Variants in PSMB1 observed in about 807,000 individuals in gnomAD.
PSMB1 encodes proteasome subunit beta type-1.
A neutral mutation model predicts 25.4 loss-of-function variants in PSMB1; 7 were observed. The ratio of observed to expected loss-of-function variants is 0.28; its 90% CI spans 0.16 to 0.52. PSMB1 has a LOEUF of 0.52. Among genes scored for constraint, PSMB1 ranks in the 20% least tolerant of loss-of-function variants. The pLI, the probability that PSMB1 is intolerant of heterozygous loss-of-function variation, is 0.97. For synonymous variants in PSMB1, 119 were observed against 115.0 expected (o/e 1.03, Z -0.22); for missense variants, 284 against 302.2 (o/e 0.94, Z 0.45).
At chr6:170,545,821 G>A (rs1211178057) in intron 3 of PSMB1, among the ~76,000 whole-genome samples, 1 of 152,090 alleles carries the variant, frequency 6.6e-6, no homozygotes, top group Non-Finnish European at 1.5e-5. Flanking sequence ...TGAGGGAAGA[G>A]TATCTTCAGA....
At chr6:170,544,817 G>A (rs1288209571) in intron 3 of PSMB1, among the ~76,000 whole-genome samples, 1 of 152,054 alleles carries the variant, frequency 6.6e-6, no homozygotes, top group Non-Finnish European at 1.5e-5. Context: ...TTTTATAGAG[G>A]AATGCCTTTC....
intron 4 of PSMB1, among the ~76,000 whole-genome samples, chr6:170,538,550 T>C (rs1778721154): frequency 2.0e-5 from 3 of 152,202 alleles, no homozygotes; most frequent in African/African-American, 4.8e-5. Flanking sequence ...AATACAAAAA[T>C]TAGCTGAGCA....
chr6:170,543,439 G>T (rs1295769968), intron 4 of PSMB1, among the ~76,000 whole-genome samples, 162 bp downstream of exon 4: 1 of 152,124 alleles, frequency 6.6e-6, no homozygotes, highest in African/African-American at 2.4e-5. Flanking sequence ...GCCTTTGGAG[G>T]TCATACATTA....
At chr6:170,547,947 G>C (rs1266013132) in intron 2 of PSMB1, among the ~76,000 whole-genome samples, 1 of 149,354 alleles carries the variant, frequency 6.7e-6, no homozygotes, top group African/African-American at 2.5e-5. Context: ...TAAAAGATGA[G>C]TAAAAGCTAG....
intron 4 of PSMB1, among the ~76,000 whole-genome samples, chr6:170,539,187 T>C (rs1306090255): frequency 6.6e-6 from 1 of 152,186 alleles, no homozygotes; most frequent in East Asian, 1.9e-4. Context: ...AAAAGCACAA[T>C]CATTTCAATG....
chr6:170,537,023 G>T (rs1224693997), intron 5 of PSMB1, among the ~76,000 whole-genome samples: 2 of 152,206 alleles, frequency 1.3e-5, no homozygotes, highest in African/African-American at 4.8e-5. Context: ...ATGGGAGTAG[G>T]TAAGGACCCA....
At chr6:170,548,011 A>G (rs1554244199) in intron 2 of PSMB1, among the ~76,000 whole-genome samples, 1 of 151,914 alleles carries the variant, frequency 6.6e-6, no homozygotes, top group Admixed American at 6.5e-5. Flanking sequence ...AATATTTACT[A>G]CTTTCAAGTT....
chr6:170,552,530 G>C (rs906816069), intron 1 of PSMB1, among the ~76,000 whole-genome samples: 1 of 148,934 alleles, frequency 6.7e-6, no homozygotes, highest in African/African-American at 2.5e-5. Context: ...AAAAAAAAAA[G>C]CACTTATCTA....
At chr6:170,551,256 C>G (rs974460129) in intron 1 of PSMB1, among the ~76,000 whole-genome samples, 1 of 152,182 alleles carries the variant, frequency 6.6e-6, no homozygotes, top group Non-Finnish European at 1.5e-5. Flanking sequence ...AAATGTTTTA[C>G]TGAAGAAGCC....
intron 1 of PSMB1, among the ~76,000 whole-genome samples, chr6:170,551,881 CTT>C (rs1456606993): frequency 6.6e-6 from 1 of 152,138 alleles, no homozygotes. Flanking sequence ...ATGCATCTCT[CTT>C]GATTCTCACC....
rs879404120 is a variant in PSMB1, at chr6:170,549,955, A to ATGGGT, written c.114-843_114-842insACCCA. On this transcript the variant is annotated intron_variant, in intron 1 of 5. Transcript: ENST00000262193. ...CTGGAATTACATGAGACAGAGACCC[A>ATGGGT]CTCTTGCTACTTACTAGGTATGTGA... 2.9e-3 allele frequency: 437 copies of ATGGGT among 152,278 alleles called. 4 individuals carry two copies. The highest frequency in any genetic ancestry group is 6.8e-3 in the Middle Eastern group (2 of 294). 9.4% of individuals were successfully genotyped at this position (152,278 alleles called of 1,614,324 possible). A position where few individuals can be genotyped will look rare whatever the true frequency, so the allele number is the denominator to read the frequency against.
intron 5 of PSMB1, among the ~76,000 whole-genome samples, chr6:170,536,895 G>C (rs1054815352): frequency 6.6e-5 from 10 of 152,236 alleles, no homozygotes; most frequent in East Asian, 3.9e-4. Flanking sequence ...ACACAGAAAG[G>C]GGGGGTAAGA....
At position 170,549,036 on chromosome 6, in the gene PSMB1, T is replaced by C. The variant is rs965513227; in HGVS notation, c.191A>G (p.His64Arg). 3.7e-6 allele frequency: 6 copies of C among 1,613,048 alleles called. No individual in the cohort carries two copies. Among genetic ancestry groups the C allele is most frequent in the Non-Finnish European group, 5.1e-6 (6 of 1,179,126 alleles). ...DTRLSEGFSI[H>R]TRDSPKCYKL... ...GTAACATTTGGGGCTATCCCGCGTA[T>C]GAATTGAAAACCCTTCACTCAATCG... is the stretch of plus-strand genomic sequence containing the variant. Residue 64 changes from histidine to arginine, a missense_variant, in exon 2 of 6, where the codon CAT becomes CGT. His to Arg is a conservative substitution (Grantham distance 29). Coordinates refer to ENST00000262193, the MANE Select transcript of PSMB1 (RefSeq NM_002793.4).
rs576691033 is a variant in PSMB1 at position 170,542,237 on chromosome 6, G to A, written c.433+1364C>T. Among the ~76,000 whole-genome samples, 6 of 152,252 alleles carry A rather than the reference G, an allele frequency of 3.9e-5. No individual in the cohort carries two copies. In the South Asian group the frequency reaches 6.2e-4, roughly 16 times the overall value. Reference sequence around the variant, plus strand: ...GTTCCCCAAGGCTGTGTATGGGGGCGGATGTTAAGAGTCAGAGATAGCGCA... The same window carrying A: ...GTTCCCCAAGGCTGTGTATGGGGGCAGATGTTAAGAGTCAGAGATAGCGCA... On this transcript the variant is annotated intron_variant, in intron 4 of 5. Transcript: ENST00000262193.
intron 5 of PSMB1, chr6:170,536,161 G>A (rs1159046528): frequency 3.2e-6 from 1 of 316,680 alleles, no homozygotes; most frequent in Non-Finnish European, 6.3e-6. Flanking sequence ...TAAACACACT[G>A]AGAAGTTTTT....
intron 4 of PSMB1, among the ~76,000 whole-genome samples, chr6:170,541,774 G>T (rs756519): frequency 6.6e-6 from 1 of 151,994 alleles, no homozygotes; most frequent in African/African-American, 2.4e-5. Flanking sequence ...CTGTTACATG[G>T]AAATCAAAGA....
At chr6:170,543,483 A>T (rs1393914630) in intron 4 of PSMB1, 118 bp downstream of exon 4, 1 of 1,096,222 alleles carries the variant, frequency 9.1e-7, no homozygotes, top group Admixed American at 2.7e-5. Flanking sequence ...ATTATCAGAA[A>T]TGAAATGAGA....
chr6:170,535,790 G>T (rs1778682280), intron 5 of PSMB1, among the ~76,000 whole-genome samples: 1 of 152,196 alleles, frequency 6.6e-6, no homozygotes, highest in Non-Finnish European at 1.5e-5. Flanking sequence ...GAGCGCTGAA[G>T]GCTACACTGA....
intron 3 of PSMB1, among the ~76,000 whole-genome samples, chr6:170,545,502 C>T (rs1406896488): frequency 2.0e-5 from 3 of 152,160 alleles, no homozygotes; most frequent in Middle Eastern, 3.2e-3. Context: ...CCAGTAACCA[C>T]TCATAAGTGT....
Sources: allele counts gnomAD v4.1 joint callset (sites outside exome capture counted in the v4.1 genomes callset), GRCh38; gene constraint gnomAD v4.1.1; transcripts MANE v1.5; gene names NCBI Gene and HGNC (gene_info 2026-07-23, HGNC 2026-07-21).